The following SLCO6A1 variants were observed in gnomAD, a reference collection of about 807,000 sequenced individuals.
SLCO6A1 encodes the protein cancer/testis antigen 48.
SLCO6A1 carries 65 observed loss-of-function variants against 72.7 expected under a neutral mutation model. The observed-to-expected ratio is 0.89, with a 90% confidence interval of 0.73 to 1.10. The LOEUF (loss-of-function observed/expected upper bound fraction) is 1.10. Ranked by LOEUF, SLCO6A1 falls within the 50% of genes least tolerant of loss-of-function variation. The pLI is 0.00. For missense variants in SLCO6A1, 874 were observed against 872.6 expected, an observed-to-expected ratio of 1.00 and a Z score of -0.02; for synonymous variants, 314 against 298.2, an observed-to-expected ratio of 1.05 and a Z score of -0.55.
Position 102,430,251 on chromosome 5 carries a change from A to G in SLCO6A1, c.1276+8366T>C, listed in dbSNP as rs545139720. Among the ~76,000 whole-genome samples the G allele has an allele frequency of 1.8e-3, 274 of 152,302 alleles. 1 individual carries two copies. Among genetic ancestry groups the G allele is most frequent in the African/African-American group, 6.3e-3 (263 of 41,562 alleles). On this transcript the variant is annotated intron_variant, in intron 7 of 13. Coordinates refer to ENST00000506729, the MANE Select transcript of SLCO6A1 (RefSeq NM_173488.5). ...ATATAGAATCATGTTGTTTGCAAAC[A>G]GGGATAGTTTGGCTTCCTCTCTTTT...
chr5:102,480,405 T>C lies in SLCO6A1; in HGVS notation c.388A>G (p.Ile130Val), dbSNP rs754135220. The C allele has an allele frequency of 2.5e-6, 4 of 1,613,252 alleles. No homozygotes were observed. Among genetic ancestry groups the C allele is most frequent in the Non-Finnish European group, 3.4e-6 (4 of 1,179,622 alleles). Residue 130 changes from isoleucine to valine, a missense_variant, in exon 2 of 14, where the codon ATT (isoleucine) becomes GTT (valine). Physicochemically the swap from Ile to Val is conservative, Grantham distance 29. Transcript: ENST00000506729. ...GVVFGLIDVS[I>V]GDFQKEYQLK... The stretch of plus-strand genomic sequence containing the variant: ...TGATATTCCTTCTGAAAATCGCCAA[T>C]GCTGACATCTATAAGACCAAACACC...
intron 7 of SLCO6A1, among the ~76,000 whole-genome samples, chr5:102,429,940 T>C (rs983138943): frequency 6.6e-6 from 1 of 152,224 alleles, no homozygotes; most frequent in Non-Finnish European, 1.5e-5. Flanking sequence ...TTCATAAGCA[T>C]GGAGTGTTTT....
At chr5:102,453,018 CT>C (rs1750507975) in intron 6 of SLCO6A1, among the ~76,000 whole-genome samples, 1 of 152,108 alleles carries the variant, frequency 6.6e-6, no homozygotes, top group African/African-American at 2.4e-5. Flanking sequence ...TCCAAATACT[CT>C]TTTTTAGTTT....
At chr5:102,404,615 A>C (rs1222235694) in intron 9 of SLCO6A1, among the ~76,000 whole-genome samples, 1 of 152,232 alleles carries the variant, frequency 6.6e-6, no homozygotes, top group Non-Finnish European at 1.5e-5. Context: ...TAACAAATTA[A>C]AAAGAGAAAA....
chr5:102,416,751 A>C (rs2112602390), intron 8 of SLCO6A1, among the ~76,000 whole-genome samples: 1 of 152,306 alleles, frequency 6.6e-6, no homozygotes, highest in East Asian at 1.9e-4. Flanking sequence ...TATATTAAAA[A>C]TGTACTGAGA....
In SLCO6A1 at chr5:102,463,355, A is replaced by G. The variant is rs137983332; in HGVS notation, c.900-3578T>C. On this transcript the variant is annotated intron_variant, in intron 4 of 13. Transcript: ENST00000506729. ...AACTAGTACGATCACTATGGAAAACAGTATGGAGATTTCTTAAAGAACTAA... is the reference window on the plus strand; with the variant it reads ...AACTAGTACGATCACTATGGAAAACGGTATGGAGATTTCTTAAAGAACTAA... 2.6e-3 allele frequency among the ~76,000 whole-genome samples: 392 copies of G among 152,354 alleles called. 2 individuals are homozygous for G. The highest frequency in any genetic ancestry group is 4.8e-3 in the Non-Finnish European group (327 of 68,046).
intron 1 of SLCO6A1, among the ~76,000 whole-genome samples, chr5:102,491,804 G>A (rs185851157): frequency 2.2e-4 from 34 of 152,374 alleles, no homozygotes; most frequent in African/African-American, 7.5e-4. Flanking sequence ...ACGGAGCTGC[G>A]GCAGGCTGGA....
chr5:102,431,599 G>A (rs910293235), intron 7 of SLCO6A1, among the ~76,000 whole-genome samples: 2 of 152,082 alleles, frequency 1.3e-5, no homozygotes, highest in African/African-American at 2.4e-5. Context: ...CAAGAGAGTG[G>A]TTGGTATGAT....
rs558646339 is a variant in SLCO6A1, at chr5:102,406,692, C to CA, written c.1626+6297dup. 2.1e-3 allele frequency among the ~76,000 whole-genome samples: 318 copies of CA among 151,834 alleles called. 3 individuals are homozygous for CA. Among genetic ancestry groups the CA allele is most frequent in the African/African-American group, 7.3e-3 (302 of 41,432 alleles). Reference sequence around the variant, plus strand: ...AATGTGTTCCAGAAAGTACAGGAGACAAATGAATAACATAGCTTAAATTAT... The same window carrying CA: ...AATGTGTTCCAGAAAGTACAGGAGACAAAATGAATAACATAGCTTAAATTAT... On this transcript the variant is annotated intron_variant, in intron 9 of 13. Transcript: ENST00000506729.
At chr5:102,453,343 A>C (rs75692664) in intron 6 of SLCO6A1, among the ~76,000 whole-genome samples, 80,790 of 148,514 alleles carry the variant, frequency 0.54, 22,889 homozygotes, top group Non-Finnish European at 0.63. Flanking sequence ...GCCTCAAAAA[A>C]AAAAAAAAAA....
intron 6 of SLCO6A1, among the ~76,000 whole-genome samples, chr5:102,440,663 A>G (rs1476202147): frequency 1.3e-5 from 2 of 152,140 alleles, no homozygotes; most frequent in Non-Finnish European, 2.9e-5. Flanking sequence ...GCTCTAGTTG[A>G]CCCCAAGTAT....
chr5:102,427,840 G>GTGTATATATATATATATATATA (rs1748980248), intron 7 of SLCO6A1, among the ~76,000 whole-genome samples: 6 of 102,750 alleles, frequency 5.8e-5, no homozygotes, highest in Non-Finnish European at 1.2e-4. Flanking sequence ...GTGTGTGTAT[G>GTGTATATATATATATATATATA]TATACATATA....
rs981420874 is a variant in SLCO6A1 at position 102,465,314 on chromosome 5, G to A, written c.900-5537C>T. On this transcript the variant is annotated intron_variant, in intron 4 of 13. Transcript: ENST00000506729. ...GACCAACAATTTCTAGGAGTTAGTG[G>A]ATATATATATATATATATCTGGGAT... Among the ~76,000 whole-genome samples the A allele has an allele frequency of 1.1e-4, 17 of 149,310 alleles. 1 individual carries two copies. In the East Asian group the frequency reaches 1.2e-3, roughly 10 times the overall value.
chr5:102,457,200 T>A (rs1020359454), intron 6 of SLCO6A1, among the ~76,000 whole-genome samples: 5 of 152,154 alleles, frequency 3.3e-5, no homozygotes, highest in African/African-American at 1.2e-4. Context: ...GGGCAAGGAC[T>A]TCATGTCTAA....
At chr5:102,452,359 T>C (rs545173978) in intron 6 of SLCO6A1, among the ~76,000 whole-genome samples, 34 of 152,254 alleles carry the variant, frequency 2.2e-4, no homozygotes, top group African/African-American at 7.0e-4. Context: ...CCAAACTTTA[T>C]GTTTTTATTC....
At chr5:102,495,145 C>A (rs898179618) in intron 1 of SLCO6A1, among the ~76,000 whole-genome samples, 6 of 147,650 alleles carry the variant, frequency 4.1e-5, no homozygotes, top group Admixed American at 4.0e-4. Flanking sequence ...AACAAAAAAA[C>A]CAGAAACTGT....
chr5:102,372,117 T>C lies in SLCO6A1; in HGVS notation c.*22A>G, dbSNP rs967308663. 6.6e-6 allele frequency: 1 copy of C among 152,094 alleles called. No individual in the cohort carries two copies. Among genetic ancestry groups the C allele is most frequent in the African/African-American group, 2.4e-5 (1 of 41,460 alleles). 9.4% of individuals were successfully genotyped at this position (152,094 alleles called of 1,614,324 possible). A position where few individuals can be genotyped will look rare whatever the true frequency, so the allele number is the denominator to read the frequency against. On this transcript the variant is annotated 3_prime_UTR_variant, in exon 14 of 14. Coordinates refer to ENST00000506729, the MANE Select transcript of SLCO6A1 (RefSeq NM_173488.5). The stretch of plus-strand genomic sequence containing the variant: ...TTCACACTCTGATCCTCAAATGATC[T>C]GCAATCCTGCTGGTTCAAACAGAGA...
At chr5:102,448,357 G>A (rs891025930) in intron 6 of SLCO6A1, among the ~76,000 whole-genome samples, 2 of 152,194 alleles carry the variant, frequency 1.3e-5, no homozygotes, top group African/African-American at 4.8e-5. Flanking sequence ...GTTTTGGTTA[G>A]ATGGAGTGTT....
intron 6 of SLCO6A1, among the ~76,000 whole-genome samples, chr5:102,442,494 A>C (rs1749888133): frequency 6.6e-6 from 1 of 152,224 alleles, no homozygotes; most frequent in South Asian, 2.1e-4. Flanking sequence ...GTAAAAATAA[A>C]CATTAATTTC....
Sources: gnomAD v4.1 joint callset for allele counts (sites outside exome capture counted in the v4.1 genomes callset) on GRCh38, gnomAD v4.1.1 for gene constraint, MANE v1.5 for transcripts, NCBI Gene and HGNC (gene_info 2026-07-23, HGNC 2026-07-21) for gene names.